The following SEMA3E variants were observed in gnomAD, a reference collection of about 807,000 sequenced individuals.
SEMA3E encodes semaphorin-3E.
In SEMA3E, 49 loss-of-function variants were observed where a neutral mutation model predicts 93.6. That is an observed-to-expected ratio of 0.52 (90% confidence interval 0.42 to 0.66). SEMA3E has a LOEUF of 0.66. SEMA3E is among the 30% of genes least tolerant of loss of function. The pLI is 0.00. For synonymous variants in SEMA3E, 363 were observed against 330.7 expected, an observed-to-expected ratio of 1.10 and a Z score of -1.06; for missense variants, 906 against 964.8, an observed-to-expected ratio of 0.94 and a Z score of 0.81.
At chr7:83,421,364 A>G (rs1195378044) in intron 4 of SEMA3E, among the ~76,000 whole-genome samples, 3 of 141,428 alleles carry the variant, frequency 2.1e-5, no homozygotes, top group Non-Finnish European at 4.8e-5. Context: ...AAACTACTTT[A>G]TTGGCTCCTA....
Position 83,601,256 on chromosome 7 carries a change from T to C in SEMA3E, c.115+47172A>G, listed in dbSNP as rs73708508. ...TTTATGTTTAAAGAGACTATGTTTATGGCAACTTGTTACTTGATCATTTCC... is the reference window on the plus strand; with the variant it reads ...TTTATGTTTAAAGAGACTATGTTTACGGCAACTTGTTACTTGATCATTTCC... On this transcript the variant is annotated intron_variant, in intron 1 of 16. Transcript: ENST00000643230. Among the ~76,000 whole-genome samples, 1,115 of 152,312 alleles carry C rather than the reference T, an allele frequency of 7.3e-3. 15 individuals are homozygous for C. Among genetic ancestry groups the C allele is most frequent in the African/African-American group, 0.025 (1,057 of 41,574 alleles).
intron 1 of SEMA3E, among the ~76,000 whole-genome samples, chr7:83,593,094 A>G (rs1335098681): frequency 1.3e-5 from 2 of 152,128 alleles, no homozygotes; most frequent in African/African-American, 4.8e-5. Context: ...CTTGGATTAC[A>G]AGTGGGATCC....
chr7:83,576,396 C>T (rs1251150132), intron 1 of SEMA3E, among the ~76,000 whole-genome samples: 1 of 151,936 alleles, frequency 6.6e-6, no homozygotes, highest in African/African-American at 2.4e-5. Context: ...CAGCAATAAG[C>T]CAAGCGAAAA....
chr7:83,463,900 A>G (rs1463199495), intron 4 of SEMA3E, among the ~76,000 whole-genome samples: 5 of 152,152 alleles, frequency 3.3e-5, no homozygotes, highest in Non-Finnish European at 5.9e-5. Context: ...TTTACTAAAC[A>G]TGCCCTGAGT....
chr7:83,601,962 A>G lies in SEMA3E; in HGVS notation c.115+46466T>C, dbSNP rs921963375. On this transcript the variant is annotated intron_variant, in intron 1 of 16. Transcript: ENST00000643230. ...TGGGGAGATGTAAAGACAAATAATG[A>G]TGTAATCAATGTGAGCATATTCCTG... Among the ~76,000 whole-genome samples, 13 of 152,334 alleles carry G rather than the reference A, an allele frequency of 8.5e-5. 1 individual carries two copies. The highest frequency in any genetic ancestry group is 7.2e-4 in the Admixed American group (11 of 15,304).
rs1794667981 is a variant in SEMA3E at position 83,366,377 on chromosome 7, G to A, written c.*1209C>T. Reference sequence around the variant, plus strand: ...ATTGTTTTTTATAACATTTAAGAGAGAGGTAAAAATGCTCTGAATATCTCA... The same window carrying A: ...ATTGTTTTTTATAACATTTAAGAGAAAGGTAAAAATGCTCTGAATATCTCA... On this transcript the variant is annotated 3_prime_UTR_variant, in exon 17 of 17. Transcript: ENST00000643230. The A allele has an allele frequency of 6.6e-6, 1 of 151,910 alleles. No individual in the cohort carries two copies. Among genetic ancestry groups the A allele is most frequent in the Non-Finnish European group, 1.5e-5 (1 of 67,882 alleles). 9.4% of individuals were successfully genotyped at this position (151,910 alleles called of 1,614,324 possible). A position where few individuals can be genotyped will look rare whatever the true frequency, so the allele number is the denominator to read the frequency against.
intron 5 of SEMA3E, among the ~76,000 whole-genome samples, chr7:83,412,247 C>G (rs182238761): frequency 2.0e-3 from 303 of 152,194 alleles, no homozygotes; most frequent in African/African-American, 6.6e-3. Context: ...CACTGTAGCT[C>G]TGGTACCTAT....
intron 1 of SEMA3E, chr7:83,612,575 T>C (rs2115590000): frequency 6.6e-6 from 1 of 152,204 alleles, no homozygotes; most frequent in South Asian, 2.1e-4. Context: ...CAAATAAAAA[T>C]ACCTGCTGAG....
intron 1 of SEMA3E, among the ~76,000 whole-genome samples, chr7:83,504,256 A>G (rs1205532827): frequency 1.3e-5 from 2 of 152,220 alleles, no homozygotes; most frequent in Admixed American, 1.3e-4. Context: ...GGCAGAATGA[A>G]GTGCAACTTT....
chr7:83,508,843 A>G (rs1371858432), intron 1 of SEMA3E, among the ~76,000 whole-genome samples: 2 of 152,206 alleles, frequency 1.3e-5, no homozygotes, highest in Admixed American at 1.3e-4. Context: ...AATGTAATTG[A>G]CTACCCTACT....
At chr7:83,463,742 C>T in intron 4 of SEMA3E, among the ~76,000 whole-genome samples, 1 of 152,166 alleles carries the variant, frequency 6.6e-6, no homozygotes, top group Non-Finnish European at 1.5e-5. Context: ...CCTCTCATTT[C>T]CTTTCCATCG....
intron 1 of SEMA3E, among the ~76,000 whole-genome samples, chr7:83,604,780 C>T (rs1036119540): frequency 6.6e-6 from 1 of 151,932 alleles, no homozygotes; most frequent in East Asian, 1.9e-4. Flanking sequence ...GCTCTCACTC[C>T]CCTCGCCCCC....
At chr7:83,433,971 T>C (rs531670470) in intron 4 of SEMA3E, among the ~76,000 whole-genome samples, 2 of 152,116 alleles carry the variant, frequency 1.3e-5, no homozygotes, top group Non-Finnish European at 2.9e-5. Flanking sequence ...TTTGTATTTC[T>C]ATACTTAATA....
chr7:83,616,269 T>C (rs1244685055), intron 1 of SEMA3E, among the ~76,000 whole-genome samples: 1 of 152,142 alleles, frequency 6.6e-6, no homozygotes, highest in Non-Finnish European at 1.5e-5. Flanking sequence ...ATTACAAAAT[T>C]TGAGGTAGCT....
intron 4 of SEMA3E, among the ~76,000 whole-genome samples, chr7:83,432,565 T>C (rs1484838741): frequency 2.0e-5 from 3 of 152,190 alleles, no homozygotes; most frequent in Non-Finnish European, 4.4e-5. Context: ...ATTGTCATTT[T>C]ACTGGTAAGA....
At chr7:83,480,321 T>C (rs907824144) in intron 2 of SEMA3E, among the ~76,000 whole-genome samples, 2 of 151,926 alleles carry the variant, frequency 1.3e-5, no homozygotes, top group Non-Finnish European at 1.5e-5. Context: ...CACACACTTG[T>C]AGGGGCCAAG....
chr7:83,387,449 T>C (rs1050754530), intron 14 of SEMA3E, among the ~76,000 whole-genome samples: 4 of 152,116 alleles, frequency 2.6e-5, no homozygotes, highest in African/African-American at 9.7e-5. Flanking sequence ...TTATTTTGAG[T>C]ATAAAACTCC....
At chr7:83,597,409 T>C (rs1255185521) in intron 1 of SEMA3E, among the ~76,000 whole-genome samples, 1 of 152,196 alleles carries the variant, frequency 6.6e-6, no homozygotes, top group Admixed American at 6.6e-5. Flanking sequence ...ATACTCATTC[T>C]GTAATCTTCT....
intron 1 of SEMA3E, 119 bp from the exon 2 acceptor site, chr7:83,490,393 T>A: frequency 1.0e-6 from 1 of 977,968 alleles, no homozygotes; most frequent in Non-Finnish European, 1.6e-6. Context: ...ATTCATTTTA[T>A]CATACATATA....
Sources: allele counts gnomAD v4.1 joint callset (sites outside exome capture counted in the v4.1 genomes callset), GRCh38; gene constraint gnomAD v4.1.1; transcripts MANE v1.5; gene names NCBI Gene and HGNC (gene_info 2026-07-23, HGNC 2026-07-21).